Variants in MROH9 observed in about 807,000 individuals in gnomAD.
MROH9 encodes maestro heat like repeat family member 9, also known as maestro heat-like repeat-containing protein family member 9.
In MROH9, 92 loss-of-function variants were observed where a neutral mutation model predicts 98.2. That is an observed-to-expected ratio of 0.94 (90% confidence interval 0.79 to 1.11). The LOEUF is 1.11. Ranked by LOEUF, MROH9 falls within the 50% of genes most tolerant of loss-of-function variation. The probability of loss-of-function intolerance (pLI) is 0.00; values close to 1 mark genes in which losing one functional copy is unlikely to be tolerated. For missense variants in MROH9, 1,057 were observed against 1,014.8 expected (o/e 1.04, Z -0.57); for synonymous variants, 397 against 368.9 (o/e 1.08, Z -0.87).
At chr1:170,965,412 A>G (rs1443151460) in intron 7 of MROH9, among the ~76,000 whole-genome samples, 157 bp downstream of exon 7, 3 of 152,082 alleles carry the variant, frequency 2.0e-5, no homozygotes, top group African/African-American at 4.8e-5. Flanking sequence ...AATATCCCAC[A>G]TGACTTTTTG....
chr1:170,992,441 C>T, intron 12 of MROH9, 112 bp downstream of exon 12: 1 of 1,067,338 alleles, frequency 9.4e-7, no homozygotes, highest in South Asian at 1.6e-5. Context: ...TCTTCTCATG[C>T]ATCCATTCAT....
intron 3 of MROH9, among the ~76,000 whole-genome samples, chr1:170,948,334 T>C (rs751785866): frequency 6.6e-6 from 1 of 152,020 alleles, no homozygotes; most frequent in Non-Finnish European, 1.5e-5. Flanking sequence ...TCATAATCCA[T>C]AGGTCGAAGT....
rs370835269 is a variant in MROH9, at chr1:170,986,751, T to C, written c.879+41T>C. On this transcript the variant is annotated intron_variant, in intron 10 of 21. Coordinates refer to ENST00000367759, the MANE Select transcript of MROH9 (RefSeq NM_001163629.2). ...ATAAGCAGGAGAGCACAGGGTTTAC[T>C]CTCTAATGTGCATTTTTGCCTGTGT... The C allele has an allele frequency of 5.0e-5, 79 of 1,590,036 alleles. No homozygotes were observed. The African/African-American group carries it at 1.0e-3, about 20-fold the overall frequency.
chr1:171,028,465 C>A (rs1486765158), intron 20 of MROH9, among the ~76,000 whole-genome samples: 1 of 152,130 alleles, frequency 6.6e-6, no homozygotes, highest in Non-Finnish European at 1.5e-5. Flanking sequence ...CACCACAATG[C>A]CTCCAGCTTT....
chr1:171,038,139 T>G (rs1653169803), intron 20 of MROH9, among the ~76,000 whole-genome samples: 1 of 152,014 alleles, frequency 6.6e-6, no homozygotes, highest in African/African-American at 2.4e-5. Flanking sequence ...AAAGCCAAAT[T>G]TGGATGAAAT....
intron 15 of MROH9, among the ~76,000 whole-genome samples, chr1:171,004,160 T>G (rs1327855276): frequency 1.3e-5 from 2 of 152,098 alleles, no homozygotes; most frequent in African/African-American, 4.8e-5. Context: ...TGCCCAAGGC[T>G]TTTCTCCTCC....
At chr1:171,030,281 A>C (rs73040212) in intron 20 of MROH9, among the ~76,000 whole-genome samples, 4,786 of 151,816 alleles carry the variant, frequency 0.032, 246 homozygotes, top group African/African-American at 0.11. Context: ...TCGTGTCTCT[A>C]TCTAGTTCAG....
intron 2 of MROH9, 45 bp downstream of exon 2, chr1:170,945,626 G>T: frequency 6.4e-7 from 1 of 1,556,652 alleles, no homozygotes. Flanking sequence ...GTATTTTTGT[G>T]TATATGTGTG....
chr1:171,025,508 A>T, intron 20 of MROH9, 88 bp downstream of exon 20: 1 of 854,636 alleles, frequency 1.2e-6, no homozygotes, highest in South Asian at 1.6e-5. Context: ...CATTTTTTTT[A>T]ATGTCTCTGT....
At chr1:170,953,569 T>C (rs1649638259) in intron 3 of MROH9, among the ~76,000 whole-genome samples, 2 of 152,094 alleles carry the variant, frequency 1.3e-5, no homozygotes, top group South Asian at 2.1e-4. Context: ...CTTATGTTTG[T>C]AACATAAAGT....
At chr1:171,046,231 C>G (rs898316157) in intron 20 of MROH9, among the ~76,000 whole-genome samples, 1 of 151,994 alleles carries the variant, frequency 6.6e-6, no homozygotes, top group Non-Finnish European at 1.5e-5. Flanking sequence ...ATCAATTAAC[C>G]TTACTTTTTC....
Position 171,024,649 on chromosome 1 carries a change from G to C in MROH9, c.2062G>C (p.Ala688Pro). 1 of 1,546,306 alleles carries C rather than the reference G, an allele frequency of 6.5e-7. No individual in the cohort carries two copies. Among genetic ancestry groups the C allele is most frequent in the Non-Finnish European group, 8.7e-7 (1 of 1,142,928 alleles). Residue 688 changes from alanine to proline, a missense_variant and splice_region_variant, in exon 19 of 22, where the codon GCA becomes CCA. Ala to Pro is a conservative substitution (Grantham distance 27). Transcript: ENST00000367759. ...LEDDDKRVAE[A>P]CKYTLKICTS... ...TCACCGGCCTTTTTCTGTCTCACAGGCATGTAAATATACATTAAAAATCTG... is the reference window on the plus strand; with the variant it reads ...TCACCGGCCTTTTTCTGTCTCACAGCCATGTAAATATACATTAAAAATCTG...
rs979446804 is a variant in MROH9 at position 171,013,987 on chromosome 1, T to G, written c.1597-130T>G. On this transcript the variant is annotated intron_variant, in intron 15 of 21. Coordinates refer to ENST00000367759, the MANE Select transcript of MROH9 (RefSeq NM_001163629.2). ...TGTCTCTCCCCACTGCTGTGAGCAC[T>G]GAAATATATGTATTTGATGTTTTAG... is the stretch of plus-strand genomic sequence containing the variant. The G allele has an allele frequency of 4.1e-6, 3 of 727,018 alleles. No homozygotes were observed. In the East Asian group the frequency reaches 8.3e-5, roughly 20 times the overall value. 45.0% of individuals were successfully genotyped at this position (727,018 alleles called of 1,614,324 possible).
intron 20 of MROH9, among the ~76,000 whole-genome samples, chr1:171,058,881 CA>C (rs2101875798): frequency 6.6e-6 from 1 of 152,236 alleles, no homozygotes; most frequent in African/African-American, 2.4e-5. Flanking sequence ...AACCCCAAAC[CA>C]CAAAAACCCT....
Position 171,060,598 on chromosome 1 carries a change from T to C in MROH9, c.2282-1534T>C, listed in dbSNP as rs150050419. 1.4e-4 allele frequency among the ~76,000 whole-genome samples: 22 copies of C among 152,296 alleles called. No homozygotes were observed. The East Asian group carries it at 3.1e-3, about 21-fold the overall frequency. ...TGATAGACAGAATAGAATCAAGACATTGACCACACACAATTTACGTCTAGG... is the reference window on the plus strand; with the variant it reads ...TGATAGACAGAATAGAATCAAGACACTGACCACACACAATTTACGTCTAGG... On this transcript the variant is annotated intron_variant, in intron 20 of 21. Transcript: ENST00000367759.
At chr1:170,991,094 A>G (rs1651337629) in intron 11 of MROH9, among the ~76,000 whole-genome samples, 1 of 152,196 alleles carries the variant, frequency 6.6e-6, no homozygotes, top group Non-Finnish European at 1.5e-5. Flanking sequence ...ACCCACATGT[A>G]TACAAGCTAA....
intron 1 of MROH9, among the ~76,000 whole-genome samples, chr1:170,935,860 C>T (rs915616627): frequency 2.0e-5 from 3 of 150,764 alleles, no homozygotes; most frequent in African/African-American, 4.9e-5. Flanking sequence ...GGTGTGGTGG[C>T]GGGTGCCTGT....
chr1:171,051,060 T>C (rs1296630094), intron 20 of MROH9, among the ~76,000 whole-genome samples: 1 of 152,198 alleles, frequency 6.6e-6, no homozygotes, highest in Non-Finnish European at 1.5e-5. Flanking sequence ...GATTTGCTAG[T>C]ATTTTGTTGA....
rs1372843393 is a variant in MROH9 at position 171,062,148 on chromosome 1, A to T, written c.2298A>T (p.Ser766=). 1.5e-5 allele frequency: 23 copies of T among 1,549,028 alleles called. No individual in the cohort carries two copies. Among genetic ancestry groups the T allele is most frequent in the Non-Finnish European group, 2.0e-5 (23 of 1,144,828 alleles). The part of the protein sequence containing the change: ...SVILIGYLAK[S]GGHLLLRDEI... Reference sequence around the variant, plus strand: ...TGTGCATAGGATATTTGGCAAAATCAGGTGGTCATTTACTGCTTAGAGATG... The same window carrying T: ...TGTGCATAGGATATTTGGCAAAATCTGGTGGTCATTTACTGCTTAGAGATG... Residue 766 remains serine (S), a synonymous_variant, in exon 21 of 22, where the codon TCA becomes TCT. Coordinates refer to ENST00000367759, the MANE Select transcript of MROH9 (RefSeq NM_001163629.2).
Sources: gnomAD v4.1 joint callset for allele counts (sites outside exome capture counted in the v4.1 genomes callset) on GRCh38, gnomAD v4.1.1 for gene constraint, MANE v1.5 for transcripts, NCBI Gene and HGNC (gene_info 2026-07-23, HGNC 2026-07-21) for gene names.